CLEC16A: variants seen among roughly 807,000 people sequenced by gnomAD.
CLEC16A encodes the protein C-type lectin domain containing 16A.
Under a neutral mutation model 109.5 loss-of-function variants are expected in CLEC16A, and 51 were observed. That is an observed-to-expected ratio of 0.47 (90% CI 0.37 to 0.59). The LOEUF is 0.59. CLEC16A is among the 20% of genes least tolerant of loss of function. The probability of loss-of-function intolerance (pLI) is 0.00; values close to 1 mark genes in which losing one functional copy is unlikely to be tolerated. For missense variants in CLEC16A, 1,339 were observed against 1,394.0 expected, an observed-to-expected ratio of 0.96 and a Z score of 0.63; for synonymous variants, 673 against 564.2, an observed-to-expected ratio of 1.19 and a Z score of -2.73.
intron 19 of CLEC16A, among the ~76,000 whole-genome samples, chr16:11,079,380 T>A (rs759368220): frequency 1.2e-4 from 18 of 152,162 alleles, no homozygotes; most frequent in Non-Finnish European, 2.2e-4. Context: ...CCTCCCCCAG[T>A]CCTCACAACT....
chr16:11,103,056 G>A (rs1341239894), intron 19 of CLEC16A, among the ~76,000 whole-genome samples: 1 of 152,222 alleles, frequency 6.6e-6, no homozygotes, highest in African/African-American at 2.4e-5. Flanking sequence ...CACAGAGGGA[G>A]GGCCTGAGAG....
intron 21 of CLEC16A, among the ~76,000 whole-genome samples, chr16:11,125,156 C>T (rs1039389910): frequency 6.6e-6 from 1 of 152,214 alleles, no homozygotes; most frequent in African/African-American, 2.4e-5. Flanking sequence ...CTGATTTGCA[C>T]AGGCCCGCGT....
intron 13 of CLEC16A, among the ~76,000 whole-genome samples, chr16:11,038,341 A>G (rs541117238): frequency 3.9e-5 from 6 of 152,272 alleles, no homozygotes; most frequent in African/African-American, 1.4e-4. Flanking sequence ...CCTTTTGTAG[A>G]GTAACAGGAA....
chr16:10,965,662 C>G (rs986077688), intron 3 of CLEC16A, among the ~76,000 whole-genome samples: 39 of 152,172 alleles, frequency 2.6e-4, no homozygotes, highest in Admixed American at 2.4e-3. Context: ...GGTTAGTGAC[C>G]TAAGTGACAG....
intron 22 of CLEC16A, among the ~76,000 whole-genome samples, chr16:11,135,331 C>G (rs1423505670): frequency 6.6e-6 from 1 of 152,138 alleles, no homozygotes; most frequent in Non-Finnish European, 1.5e-5. Context: ...CTCACACAGC[C>G]AGAGAAGGAA....
intron 4 of CLEC16A, among the ~76,000 whole-genome samples, chr16:10,970,520 A>C (rs1357119743): frequency 6.6e-6 from 1 of 152,244 alleles, no homozygotes; most frequent in Non-Finnish European, 1.5e-5. Context: ...AAGTGGTAGA[A>C]TGGGTAATGA....
chr16:11,087,393 C>T (rs2050069944), intron 19 of CLEC16A, among the ~76,000 whole-genome samples: 1 of 152,238 alleles, frequency 6.6e-6, no homozygotes, highest in Admixed American at 6.5e-5. Context: ...CGTCCTACAG[C>T]ACAGGGAGAG....
intron 11 of CLEC16A, among the ~76,000 whole-genome samples, chr16:11,005,924 C>A (rs2044976098): frequency 6.6e-6 from 1 of 151,154 alleles, no homozygotes; most frequent in Non-Finnish European, 1.5e-5. Flanking sequence ...TTGTTCCTGT[C>A]TGGAAATTTC....
chr16:11,156,436 C>G (rs780314583), intron 22 of CLEC16A: 2 of 329,952 alleles, frequency 6.1e-6, no homozygotes, highest in South Asian at 5.2e-5. Flanking sequence ...GGGGGGCCAT[C>G]CTTTGCAAGC....
At chr16:11,107,081 G>A (rs77621271) in intron 19 of CLEC16A, among the ~76,000 whole-genome samples, 2 of 152,236 alleles carry the variant, frequency 1.3e-5, no homozygotes, top group Non-Finnish European at 2.9e-5. Context: ...CAGAGGCCCG[G>A]ACATCAGTGT....
intron 22 of CLEC16A, among the ~76,000 whole-genome samples, chr16:11,128,701 C>T (rs1363473468): frequency 6.6e-6 from 1 of 152,140 alleles, no homozygotes; most frequent in African/African-American, 2.4e-5. Context: ...GCATAGGCTG[C>T]CCCCACCCCC....
chr16:11,125,163 G>A (rs76944128), intron 21 of CLEC16A, among the ~76,000 whole-genome samples: 8 of 152,170 alleles, frequency 5.3e-5, no homozygotes, highest in African/African-American at 9.7e-5. Context: ...GCACAGGCCC[G>A]CGTCCCACGT....
intron 22 of CLEC16A, among the ~76,000 whole-genome samples, chr16:11,165,297 C>T (rs540896115): frequency 6.6e-6 from 1 of 151,804 alleles, no homozygotes; most frequent in Non-Finnish European, 1.5e-5. Context: ...TCAAGACCAG[C>T]CTGGGCAATA....
intron 19 of CLEC16A, among the ~76,000 whole-genome samples, chr16:11,069,817 TAACAA>T (rs71136610): frequency 0.073 from 11,089 of 152,226 alleles, 442 homozygotes; most frequent in Non-Finnish European, 0.094. Flanking sequence ...CAGTACAGCA[TAACAA>T]CTATTTACAT....
chr16:11,088,176 C>T lies in CLEC16A; in HGVS notation c.2116+27154C>T, dbSNP rs118172435. ...CCTGTGCCAGGTGCTTGACTGGGCC[C>T]TTGCTGAATCAGATGAAAGAAATCC... On this transcript the variant is annotated intron_variant, in intron 19 of 23. Coordinates refer to ENST00000409790, the MANE Select transcript of CLEC16A (RefSeq NM_015226.3). Among the ~76,000 whole-genome samples, 401 of 152,354 alleles carry T rather than the reference C, an allele frequency of 2.6e-3. 1 individual carries two copies. Among genetic ancestry groups the T allele is most frequent in the Admixed American group, 5.4e-3 (83 of 15,310 alleles).
At chr16:10,997,477 T>C (rs972734389) in intron 10 of CLEC16A, among the ~76,000 whole-genome samples, 1 of 152,218 alleles carries the variant, frequency 6.6e-6, no homozygotes, top group African/African-American at 2.4e-5. Flanking sequence ...TCCTAACTTA[T>C]AAACTTGCCT....
At chr16:11,155,218 T>C (rs945424283) in intron 22 of CLEC16A, among the ~76,000 whole-genome samples, 1 of 152,166 alleles carries the variant, frequency 6.6e-6, no homozygotes, top group Admixed American at 6.5e-5. Context: ...CAGCGAGTGC[T>C]ACCTGAACAT....
intron 10 of CLEC16A, among the ~76,000 whole-genome samples, chr16:10,994,820 T>G (rs905277089): frequency 7.9e-5 from 12 of 152,230 alleles, no homozygotes; most frequent in African/African-American, 2.9e-4. Flanking sequence ...GAGCTACTGT[T>G]TCTCTGATTA....
At chr16:11,136,154 C>T (rs188288914) in intron 22 of CLEC16A, 13 of 152,390 alleles carry the variant, frequency 8.5e-5, no homozygotes, top group African/African-American at 3.1e-4. Context: ...CCCAGCCTTC[C>T]ACCTCCACGG....
Sources: gnomAD v4.1 joint callset for allele counts (sites outside exome capture counted in the v4.1 genomes callset) on GRCh38, gnomAD v4.1.1 for gene constraint, MANE v1.5 for transcripts, NCBI Gene and HGNC (gene_info 2026-07-23, HGNC 2026-07-21) for gene names.